Variants in DIAPH2 observed in about 807,000 individuals in gnomAD.
The protein encoded by DIAPH2 is diaphanous related formin 2, also known as protein diaphanous homolog 2.
DIAPH2 carries 35 observed loss-of-function variants against 92.7 expected under a neutral mutation model. The ratio of observed to expected loss-of-function variants is 0.38; its 90% CI spans 0.29 to 0.50. The LOEUF is 0.50. Ranked by LOEUF, DIAPH2 falls within the 20% of genes least tolerant of loss-of-function variation. The pLI is 0.94. For synonymous variants in DIAPH2, 301 were observed against 280.4 expected (o/e 1.07, Z -0.73); for missense variants, 701 against 819.5 (o/e 0.86, Z 1.77).
rs757254483 is a variant in DIAPH2, at chrX:96,862,997, G to A, written c.448-18582G>A. On this transcript the variant is annotated intron_variant, in intron 4 of 26. Transcript: ENST00000324765. ...ATTTTTTTGTCTTTTCTGCTTGACTGTAGAACTTCAGGTGTTGTGTAATAC... is the reference window on the plus strand; with the variant it reads ...ATTTTTTTGTCTTTTCTGCTTGACTATAGAACTTCAGGTGTTGTGTAATAC... 5.4e-5 allele frequency among the ~76,000 whole-genome samples: 6 copies of A among 110,724 alleles called. No individual in the cohort carries two copies. In the South Asian group the frequency reaches 2.3e-3, roughly 42 times the overall value.
intron 22 of DIAPH2, among the ~76,000 whole-genome samples, chrX:97,219,103 T>C (rs1019996716): frequency 8.9e-6 from 1 of 112,188 alleles, no homozygotes. Context: ...ACCATGAATA[T>C]GTTTTGTGTG....
intron 24 of DIAPH2, among the ~76,000 whole-genome samples, chrX:97,349,080 ATAT>A (rs1242178748): frequency 0.039 from 3,358 of 86,228 alleles, 60 homozygotes; most frequent in African/African-American, 0.061. Context: ...ATATATATAT[ATAT>A]TTTTTTTTTT....
chrX:96,999,432 C>T (rs960800042), intron 17 of DIAPH2, among the ~76,000 whole-genome samples: 10 of 93,486 alleles, frequency 1.1e-4, no homozygotes, highest in African/African-American at 2.9e-4. Flanking sequence ...TCCCGGGAGG[C>T]GGAGCTTGCA....
At chrX:97,356,338 T>C (rs1020457348) in intron 24 of DIAPH2, among the ~76,000 whole-genome samples, 1 of 111,603 alleles carries the variant, frequency 9.0e-6, no homozygotes, top group Non-Finnish European at 1.9e-5. Context: ...GCATAAATCG[T>C]TTCATGCAAA....
In DIAPH2 at chrX:97,558,238, T is replaced by C. The variant is rs1011963; in HGVS notation, c.3242-41015T>C. ...TGTTGAGTTAGATAATGGTGGTGCATACAGGGTGCTTGGGTGAATGCAGTG... is the reference window on the plus strand; with the variant it reads ...TGTTGAGTTAGATAATGGTGGTGCACACAGGGTGCTTGGGTGAATGCAGTG... On this transcript the variant is annotated intron_variant, in intron 26 of 26. Coordinates refer to ENST00000324765, the MANE Select transcript of DIAPH2 (RefSeq NM_006729.5). Among the ~76,000 whole-genome samples, 21 of 111,909 alleles carry C rather than the reference T, an allele frequency of 1.9e-4. No homozygotes were observed. The East Asian group carries it at 5.3e-3, about 28-fold the overall frequency.
intron 17 of DIAPH2, among the ~76,000 whole-genome samples, chrX:97,051,741 C>T (rs1013939507): frequency 1.5e-4 from 17 of 111,394 alleles, no homozygotes; most frequent in African/African-American, 5.2e-4. Context: ...GTAAGAAGCA[C>T]GTATCTGGGC....
At chrX:97,267,778 G>T (rs186540005) in intron 23 of DIAPH2, among the ~76,000 whole-genome samples, 5 of 111,434 alleles carry the variant, frequency 4.5e-5, no homozygotes, top group Non-Finnish European at 7.5e-5. Flanking sequence ...GGCGCCTCAC[G>T]TACATAACTC....
At chrX:97,491,952 G>T (rs959171224) in intron 26 of DIAPH2, among the ~76,000 whole-genome samples, 1 of 111,383 alleles carries the variant, frequency 9.0e-6, no homozygotes, top group Non-Finnish European at 1.9e-5. Context: ...ATATTAAGCT[G>T]CTGACAACTT....
At chrX:97,108,875 T>C (rs1324972609) in intron 20 of DIAPH2, among the ~76,000 whole-genome samples, 2 of 111,116 alleles carry the variant, frequency 1.8e-5, no homozygotes, top group Non-Finnish European at 3.8e-5. Context: ...AAATTTTACG[T>C]TGGGTTTGGG....
intron 21 of DIAPH2, among the ~76,000 whole-genome samples, chrX:97,126,772 C>G (rs2067096920): frequency 8.9e-6 from 1 of 112,670 alleles, no homozygotes; most frequent in African/African-American, 3.2e-5. Context: ...AGCTGCTCCA[C>G]TTCTTTGGAA....
chrX:97,564,734 A>T (rs191062867), intron 26 of DIAPH2, among the ~76,000 whole-genome samples: 1 of 111,947 alleles, frequency 8.9e-6, no homozygotes, highest in Non-Finnish European at 1.9e-5. Flanking sequence ...GCAGAAACAA[A>T]TGGGGAAAGG....
At chrX:97,262,370 A>G (rs1182238470) in intron 23 of DIAPH2, among the ~76,000 whole-genome samples, 1 of 111,753 alleles carries the variant, frequency 8.9e-6, no homozygotes, top group East Asian at 2.8e-4. Context: ...CTTTCCATGA[A>G]GGAGGAACAA....
At chrX:96,906,757 G>T (rs2065436376) in intron 5 of DIAPH2, among the ~76,000 whole-genome samples, 1 of 111,472 alleles carries the variant, frequency 9.0e-6, no homozygotes, top group Non-Finnish European at 1.9e-5. Flanking sequence ...TTTATTTTTG[G>T]GTGAACTTGG....
intron 21 of DIAPH2, among the ~76,000 whole-genome samples, chrX:97,137,198 T>C (rs1333340708): frequency 9.7e-6 from 1 of 103,593 alleles, no homozygotes; most frequent in East Asian, 3.1e-4. Flanking sequence ...AGCAAATGTG[T>C]GTTCTGGAAA....
intron 26 of DIAPH2, among the ~76,000 whole-genome samples, chrX:97,474,163 C>T (rs1443129731): frequency 8.9e-6 from 1 of 112,124 alleles, no homozygotes; most frequent in Non-Finnish European, 1.9e-5. Flanking sequence ...TGACCCTTTA[C>T]AGGGAAAGTT....
intron 15 of DIAPH2, among the ~76,000 whole-genome samples, chrX:96,956,950 C>T (rs138820282): frequency 1.1e-4 from 12 of 112,568 alleles, no homozygotes; most frequent in African/African-American, 3.5e-4. Flanking sequence ...CCCAACTATC[C>T]GGTGCCAATT....
At chrX:97,089,195 A>G (rs760226394) in intron 19 of DIAPH2, among the ~76,000 whole-genome samples, 2 of 112,202 alleles carry the variant, frequency 1.8e-5, no homozygotes, top group South Asian at 7.5e-4. Context: ...CTAAAACAGT[A>G]TGCTTCTCAT....
At chrX:96,736,607 G>T (rs759232374) in intron 2 of DIAPH2, among the ~76,000 whole-genome samples, 1 of 111,525 alleles carries the variant, frequency 9.0e-6, no homozygotes, top group East Asian at 2.8e-4. Flanking sequence ...GGGTTTCACC[G>T]TCTTAGCCAG....
intron 22 of DIAPH2, among the ~76,000 whole-genome samples, chrX:97,152,588 C>A (rs1447368564): frequency 1.9e-5 from 2 of 106,361 alleles, no homozygotes; most frequent in Admixed American, 1.0e-4. Flanking sequence ...CATCCCATGG[C>A]GGAAGGGTGG....
Sources: allele counts gnomAD v4.1 joint callset (sites outside exome capture counted in the v4.1 genomes callset), GRCh38; gene constraint gnomAD v4.1.1; transcripts MANE v1.5; gene names NCBI Gene and HGNC (gene_info 2026-07-23, HGNC 2026-07-21).